MAGI2: variants seen among roughly 807,000 people sequenced by gnomAD.
MAGI2 encodes membrane associated guanylate kinase, WW and PDZ domain containing 2, also known as membrane-associated guanylate kinase, WW and PDZ domain-containing protein 2.
Under a neutral mutation model 133.3 loss-of-function variants are expected in MAGI2, and 35 were observed. The observed-to-expected ratio is 0.26, with a 90% CI of 0.20 to 0.35. The LOEUF (loss-of-function observed/expected upper bound fraction) is 0.35. Among genes scored for constraint, MAGI2 ranks in the 10% least tolerant of loss-of-function variants. The pLI, the probability that MAGI2 is intolerant of heterozygous loss-of-function variation, is 1.00. For synonymous variants in MAGI2, 729 were observed against 710.6 expected (o/e 1.03, Z -0.41); for missense variants, 1,636 against 1,863.4 (o/e 0.88, Z 2.25).
intron 6 of MAGI2, among the ~76,000 whole-genome samples, chr7:78,382,079 T>C (rs1794973355): frequency 1.3e-5 from 2 of 152,144 alleles, no homozygotes; most frequent in South Asian, 4.1e-4. Context: ...ATGTACATGA[T>C]ATGTGCAGAC....
At chr7:78,121,633 G>C (rs1229996269) in intron 20 of MAGI2, among the ~76,000 whole-genome samples, 1 of 152,190 alleles carries the variant, frequency 6.6e-6, no homozygotes, top group Non-Finnish European at 1.5e-5. Flanking sequence ...TTTTACATAT[G>C]CTAATACAAG....
chr7:78,856,103 G>C (rs1389153575), intron 2 of MAGI2, among the ~76,000 whole-genome samples: 2 of 152,212 alleles, frequency 1.3e-5, no homozygotes, highest in African/African-American at 4.8e-5. Flanking sequence ...GGGGTTGTTT[G>C]ATTTTTTCTT....
chr7:78,548,712 AAAAC>A (rs1799082634), intron 3 of MAGI2, among the ~76,000 whole-genome samples: 2 of 152,138 alleles, frequency 1.3e-5, no homozygotes, highest in South Asian at 2.1e-4. Context: ...AAACAAAACA[AAAAC>A]AAACAAAAGA....
intron 1 of MAGI2, among the ~76,000 whole-genome samples, chr7:79,425,492 C>T (rs1275324566): frequency 6.6e-6 from 1 of 151,418 alleles, no homozygotes; most frequent in Non-Finnish European, 1.5e-5. Flanking sequence ...TTCTCTAGTA[C>T]TTCCAGGCAA....
intron 1 of MAGI2, among the ~76,000 whole-genome samples, chr7:79,132,131 C>A (rs549422363): frequency 1.1e-3 from 166 of 152,118 alleles, no homozygotes; most frequent in African/African-American, 3.8e-3. Context: ...GTAGATCACT[C>A]GCACTGGCTT....
At chr7:79,350,236 C>T (rs539229026) in intron 1 of MAGI2, among the ~76,000 whole-genome samples, 1 of 152,128 alleles carries the variant, frequency 6.6e-6, no homozygotes, top group Admixed American at 6.6e-5. Flanking sequence ...CCTCAGAGGC[C>T]GGATTTTCTG....
chr7:79,438,429 T>C (rs1323984153), intron 1 of MAGI2, among the ~76,000 whole-genome samples: 1 of 152,206 alleles, frequency 6.6e-6, no homozygotes, highest in Non-Finnish European at 1.5e-5. Flanking sequence ...TGAATAGTTA[T>C]GTGCATATAT....
intron 1 of MAGI2, among the ~76,000 whole-genome samples, chr7:79,212,448 T>C (rs1311715524): frequency 6.6e-6 from 1 of 152,124 alleles, no homozygotes; most frequent in Non-Finnish European, 1.5e-5. Flanking sequence ...TTGGCATCAA[T>C]TCACCTCCCA....
chr7:78,891,344 T>C (rs528558930), intron 2 of MAGI2, among the ~76,000 whole-genome samples: 48 of 152,208 alleles, frequency 3.2e-4, no homozygotes, highest in Non-Finnish European at 6.3e-4. Context: ...TTCCAATCAA[T>C]AGAAAAAGAG....
At chr7:79,271,111 C>A (rs1834840107) in intron 1 of MAGI2, among the ~76,000 whole-genome samples, 1 of 152,072 alleles carries the variant, frequency 6.6e-6, no homozygotes, top group Non-Finnish European at 1.5e-5. Flanking sequence ...CACCTAACAG[C>A]TCTGTGCTAA....
chr7:78,071,225 T>A (rs1814652433), intron 21 of MAGI2, among the ~76,000 whole-genome samples: 1 of 152,154 alleles, frequency 6.6e-6, no homozygotes, highest in African/African-American at 2.4e-5. Context: ...GAAAAGGAAT[T>A]CAGTGTTGTG....
chr7:78,076,311 A>G (rs1376922941), intron 21 of MAGI2, among the ~76,000 whole-genome samples: 3 of 151,980 alleles, frequency 2.0e-5, no homozygotes, highest in Non-Finnish European at 2.9e-5. Context: ...ACAAACAATT[A>G]GCTGGGCATT....
chr7:78,997,667 C>T (rs900793846), intron 2 of MAGI2, among the ~76,000 whole-genome samples: 2 of 150,232 alleles, frequency 1.3e-5, no homozygotes, highest in Admixed American at 6.6e-5. Context: ...GACTGTTGAT[C>T]ACATATCAGT....
At chr7:78,722,998 A>C (rs1820411170) in intron 2 of MAGI2, among the ~76,000 whole-genome samples, 2 of 152,150 alleles carry the variant, frequency 1.3e-5, no homozygotes, top group Non-Finnish European at 2.9e-5. Flanking sequence ...AAGAATGTGG[A>C]AATTATTGCC....
intron 3 of MAGI2, among the ~76,000 whole-genome samples, chr7:78,580,711 C>T (rs994594078): frequency 1.3e-5 from 2 of 152,134 alleles, no homozygotes; most frequent in Admixed American, 6.5e-5. Context: ...CTGATGCCTA[C>T]GTATAGCCCA....
chr7:78,674,012 G>T (rs1814705620), intron 2 of MAGI2, among the ~76,000 whole-genome samples: 1 of 152,112 alleles, frequency 6.6e-6, no homozygotes, highest in Non-Finnish European at 1.5e-5. Context: ...CACAGTCTAT[G>T]GAAGACACTA....
At chr7:78,688,180 G>A (rs1266152633) in intron 2 of MAGI2, among the ~76,000 whole-genome samples, 1 of 151,970 alleles carries the variant, frequency 6.6e-6, no homozygotes, top group Non-Finnish European at 1.5e-5. Context: ...TTTTACAAAG[G>A]CTTTGTGGTA....
At chr7:78,656,263 G>T (rs1238398112) in intron 2 of MAGI2, among the ~76,000 whole-genome samples, 1 of 152,048 alleles carries the variant, frequency 6.6e-6, no homozygotes, top group East Asian at 1.9e-4. Context: ...GAATAGAATG[G>T]TATTTTTCTC....
chr7:78,095,836 T>C (rs889449575), intron 20 of MAGI2, among the ~76,000 whole-genome samples: 3 of 152,196 alleles, frequency 2.0e-5, no homozygotes, highest in Non-Finnish European at 4.4e-5. Context: ...GCATGAGTCA[T>C]AATTTCCTAG....
Sources: allele counts gnomAD v4.1 joint callset (sites outside exome capture counted in the v4.1 genomes callset), GRCh38; gene constraint gnomAD v4.1.1; transcripts MANE v1.5; gene names NCBI Gene and HGNC (gene_info 2026-07-23, HGNC 2026-07-21).